The following DHX15 variants were observed in gnomAD, a reference collection of about 807,000 sequenced individuals.
DHX15 encodes the protein ATP-dependent RNA helicase DHX15.
In DHX15, 11 loss-of-function variants were observed where a neutral mutation model predicts 94.4. The observed-to-expected ratio is 0.12, with a 90% CI of 0.07 to 0.19. DHX15 has a LOEUF of 0.19. DHX15 is among the 10% of genes least tolerant of loss of function. The pLI is 1.00. For synonymous variants in DHX15, 338 were observed against 329.9 expected (o/e 1.02, Z -0.27); for missense variants, 304 against 988.5 (o/e 0.31, Z 9.29).
In DHX15 at chr4:24,548,840, C is replaced by T. The variant is rs373808856; in HGVS notation, c.1248+15G>A. On this transcript the variant is annotated intron_variant, in intron 6 of 13. Transcript: ENST00000336812. Reference sequence around the variant, plus strand: ...TTATTAGTGAAATATTTATAAAGAGCATTTCTAATGTTACCTTTCTTCCAA... The same window carrying T: ...TTATTAGTGAAATATTTATAAAGAGTATTTCTAATGTTACCTTTCTTCCAA... 6.2e-7 allele frequency: 1 copy of T among 1,602,512 alleles called. No individual in the cohort carries two copies.
chr4:24,571,280 A>T (rs1221642416), intron 2 of DHX15, among the ~76,000 whole-genome samples: 1 of 152,128 alleles, frequency 6.6e-6, no homozygotes, highest in Non-Finnish European at 1.5e-5. Flanking sequence ...ATTCAATTCA[A>T]ATTTGGTTTA....
chr4:24,570,612 C>G, intron 3 of DHX15, 42 bp downstream of exon 3: 2 of 1,582,958 alleles, frequency 1.3e-6, no homozygotes, highest in Non-Finnish European at 8.7e-7. Context: ...CAGAAAATGG[C>G]AAGCAGAGGA....
intron 3 of DHX15, among the ~76,000 whole-genome samples, chr4:24,558,283 G>T (rs994626232): frequency 2.0e-5 from 3 of 152,084 alleles, no homozygotes; most frequent in African/African-American, 7.2e-5. Flanking sequence ...GAGACACATT[G>T]TAACTTCAGA....
At chr4:24,561,041 A>G (rs185918375) in intron 3 of DHX15, among the ~76,000 whole-genome samples, 1 of 152,204 alleles carries the variant, frequency 6.6e-6, no homozygotes, top group African/African-American at 2.4e-5. Flanking sequence ...GATAAAATTC[A>G]AGTATACTCT....
rs548957359 is a variant in DHX15 at position 24,545,572 on chromosome 4, A to G, written c.1249-2546T>C. On this transcript the variant is annotated intron_variant, in intron 6 of 13. Coordinates refer to ENST00000336812, the MANE Select transcript of DHX15 (RefSeq NM_001358.3). Reference sequence around the variant, plus strand: ...TAAATTGAGTCCTTAACAAAAAAGCACAAGTTTTAGGCCTTTCTCAAGGAC... The same window carrying G: ...TAAATTGAGTCCTTAACAAAAAAGCGCAAGTTTTAGGCCTTTCTCAAGGAC... 1.2e-4 allele frequency among the ~76,000 whole-genome samples: 18 copies of G among 152,364 alleles called. No individual in the cohort carries two copies. The South Asian group carries it at 3.7e-3, about 32-fold the overall frequency.
chr4:24,574,205 CAAAA>C lies in DHX15; in HGVS notation c.507+2034_507+2037del, dbSNP rs61031930. Among the ~76,000 whole-genome samples, 337 of 68,872 alleles carry C rather than the reference CAAAA, an allele frequency of 4.9e-3. 3 individuals are homozygous for C. The highest frequency in any genetic ancestry group is 0.015 in the African/African-American group (279 of 18,332). The allele number at this position is 68,872 out of a possible 152,430, so 45.2% of individuals were successfully genotyped here. ...TGGGTGACAGAGCGAGACTTTGTCT[CAAAA>C]AAAAAAAAAAAAAAAAAAAGTTAAA... On this transcript the variant is annotated intron_variant, in intron 2 of 13. Coordinates refer to ENST00000336812, the MANE Select transcript of DHX15 (RefSeq NM_001358.3).
At chr4:24,574,841 T>G (rs1390255444) in intron 2 of DHX15, among the ~76,000 whole-genome samples, 1 of 152,234 alleles carries the variant, frequency 6.6e-6, no homozygotes, top group Non-Finnish European at 1.5e-5. Flanking sequence ...CAGTCTTTCT[T>G]GTAGTTTGAA....
chr4:24,569,614 A>G (rs1057359160), intron 3 of DHX15, among the ~76,000 whole-genome samples: 5 of 150,744 alleles, frequency 3.3e-5, no homozygotes, highest in African/African-American at 9.8e-5. Context: ...AAAAAAAAAA[A>G]AGAGAGACTC....
intron 5 of DHX15, 31 bp from the exon 6 acceptor site, chr4:24,549,053 T>C (rs368318732): frequency 4.5e-6 from 7 of 1,571,396 alleles, no homozygotes; most frequent in Non-Finnish European, 5.2e-6. Flanking sequence ...TAAAAACGAA[T>C]ACTGAAACAT....
chr4:24,556,193 C>T, intron 4 of DHX15, 58 bp downstream of exon 4: 1 of 1,473,962 alleles, frequency 6.8e-7, no homozygotes, highest in Non-Finnish European at 9.3e-7. Context: ...ATGTATTCCC[C>T]ATTTTTATGC....
At chr4:24,566,580 C>T (rs1001051229) in intron 3 of DHX15, among the ~76,000 whole-genome samples, 15 of 152,102 alleles carry the variant, frequency 9.9e-5, no homozygotes, top group African/African-American at 3.4e-4. Flanking sequence ...AATCCCAGCA[C>T]TTTGGGAGGC....
rs756128041 is a variant in DHX15, at chr4:24,584,340, C to T, written c.54G>A (p.Lys18=). The T allele has an allele frequency of 2.5e-6, 4 of 1,613,126 alleles. No individual in the cohort carries two copies. Among genetic ancestry groups the T allele is most frequent in the Non-Finnish European group, 3.4e-6 (4 of 1,179,658 alleles). Reference sequence around the variant, plus strand: ...TGGCTTACCCATCGGTCCCCGCACGCTTCTTGCCAGAGGGGTAATCCTCCC... The same window carrying T: ...TGGCTTACCCATCGGTCCCCGCACGTTTCTTGCCAGAGGGGTAATCCTCCC... ...DLGEDYPSGK[K]RAGTDGKDRD... Residue 18 remains lysine, a synonymous_variant, in exon 1 of 14, where the codon AAG becomes AAA. Coordinates refer to ENST00000336812, the MANE Select transcript of DHX15 (RefSeq NM_001358.3).
chr4:24,531,288 C>A (rs1235124611), intron 12 of DHX15, among the ~76,000 whole-genome samples: 1 of 151,918 alleles, frequency 6.6e-6, no homozygotes, highest in Non-Finnish European at 1.5e-5. Flanking sequence ...CGGGGTTTCA[C>A]CATGTTAGCC....
intron 5 of DHX15, among the ~76,000 whole-genome samples, chr4:24,549,978 A>T (rs1342543408): frequency 2.0e-5 from 3 of 151,576 alleles, no homozygotes; most frequent in African/African-American, 7.3e-5. Flanking sequence ...CTGTAATCCC[A>T]GCTACTCGGG....
chr4:24,576,318 A>C lies in DHX15; in HGVS notation c.432T>G (p.Asp144Glu). The C allele has an allele frequency of 6.2e-7, 1 of 1,614,232 alleles. No homozygotes were observed. Among genetic ancestry groups the C allele is most frequent in the Admixed American group, 1.7e-5 (1 of 60,020 alleles). ...RLQLPVWEYK[D>E]RFTDILVRHQ... ...GTCTAACCAGAATATCTGTAAACCT[A>C]TCCTTGTATTCCCAAACAGGGAGCT... The change falls in exon 2 of 14, where the codon GAT becomes GAG. Residue 144 changes from aspartate (D) to glutamate (E), a missense_variant. Physicochemically the swap from Asp to Glu is conservative, Grantham distance 45. Transcript: ENST00000336812.
Position 24,536,509 on chromosome 4 carries a change from G to T in DHX15, c.1909+542C>A, listed in dbSNP as rs997827055. Among the ~76,000 whole-genome samples, 73 of 152,180 alleles carry T rather than the reference G, an allele frequency of 4.8e-4. 2 individuals are homozygous for T. Among genetic ancestry groups the T allele is most frequent in the Middle Eastern group, 3.4e-3 (1 of 294 alleles). On this transcript the variant is annotated intron_variant, in intron 11 of 13. Transcript: ENST00000336812. ...TCTGCAAATTTTATGTGAGAAAATG[G>T]TAATGCCTTTCATTATCAATAATAA...
At chr4:24,528,598 C>G (rs1721010361) in intron 13 of DHX15, among the ~76,000 whole-genome samples, 1 of 152,184 alleles carries the variant, frequency 6.6e-6, no homozygotes. Context: ...TATAAGAAAG[C>G]AGCTGCACAA....
At chr4:24,570,313 A>T (rs1178220731) in intron 3 of DHX15, among the ~76,000 whole-genome samples, 4 of 152,046 alleles carry the variant, frequency 2.6e-5, no homozygotes, top group Non-Finnish European at 4.4e-5. Flanking sequence ...AAAAGTAGTT[A>T]TCTTTTACTA....
intron 11 of DHX15, 167 bp from the exon 12 acceptor site, chr4:24,533,221 G>T: frequency 1.6e-6 from 1 of 641,828 alleles, no homozygotes; most frequent in Non-Finnish European, 2.7e-6. Flanking sequence ...CTTTCTCAAA[G>T]ATCTGTAGTG....
Sources: gnomAD v4.1 joint callset for allele counts (sites outside exome capture counted in the v4.1 genomes callset) on GRCh38, gnomAD v4.1.1 for gene constraint, MANE v1.5 for transcripts, NCBI Gene and HGNC (gene_info 2026-07-23, HGNC 2026-07-21) for gene names.